The following OSBPL8 variants were observed in gnomAD, a reference collection of about 807,000 sequenced individuals.
The protein encoded by OSBPL8 is oxysterol-binding protein-related protein 8.
A neutral mutation model predicts 125.5 loss-of-function variants in OSBPL8; 59 were observed. The observed-to-expected ratio is 0.47, with a 90% CI of 0.38 to 0.58. OSBPL8 has a LOEUF of 0.58. OSBPL8 is among the 20% of genes least tolerant of loss of function. OSBPL8 has a pLI of 0.00. For synonymous variants in OSBPL8, 330 were observed against 338.9 expected (o/e 0.97, Z 0.29); for missense variants, 758 against 1,047.8 (o/e 0.72, Z 3.82).
At chr12:76,362,492 TA>T (rs1349312136) in intron 21 of OSBPL8, among the ~76,000 whole-genome samples, 14 of 152,296 alleles carry the variant, frequency 9.2e-5, no homozygotes, top group Non-Finnish European at 1.8e-4. Flanking sequence ...CCCTTCATGC[TA>T]AAAACTCTCA....
intron 5 of OSBPL8, among the ~76,000 whole-genome samples, chr12:76,406,465 C>T (rs1954265773): frequency 6.6e-6 from 1 of 152,188 alleles, no homozygotes; most frequent in South Asian, 2.1e-4. Flanking sequence ...TCCCACTAGA[C>T]ACATTAGTTA....
At chr12:76,373,881 G>T (rs1952714581) in intron 17 of OSBPL8, among the ~76,000 whole-genome samples, 1 of 151,814 alleles carries the variant, frequency 6.6e-6, no homozygotes, top group Non-Finnish European at 1.5e-5. Flanking sequence ...GCCAAAAAAA[G>T]CCTCCAAAAA....
intron 16 of OSBPL8, among the ~76,000 whole-genome samples, chr12:76,376,675 G>A (rs1952830089): frequency 6.6e-6 from 1 of 151,930 alleles, no homozygotes; most frequent in Admixed American, 6.6e-5. Context: ...TTCACTCCAT[G>A]CTTACTTCAA....
At position 76,369,404 on chromosome 12, in the gene OSBPL8, G is replaced by T. The variant is rs527583494; in HGVS notation, c.2241-103C>A. 3 of 1,441,672 alleles carry T rather than the reference G, an allele frequency of 2.1e-6. No individual in the cohort carries two copies. The Admixed American group carries it at 8.5e-5, about 41-fold the overall frequency. 89.3% of individuals were successfully genotyped at this position (1,441,672 alleles called of 1,614,324 possible). On this transcript the variant is annotated intron_variant, in intron 20 of 23. Coordinates refer to ENST00000261183, the MANE Select transcript of OSBPL8 (RefSeq NM_020841.5). ...AATTTTATTAATAATTATATACATA[G>T]TTCTAATAATGAGATTTCCCCATAC...
In OSBPL8 at chr12:76,413,719, T is replaced by C. The variant is rs1441298314; in HGVS notation, c.218-3085A>G. Reference sequence around the variant, plus strand: ...TGATTACTAATGGTGTTGAGAACTTTCTCATGTTAATTGGCTAATTTCCTC... The same window carrying C: ...TGATTACTAATGGTGTTGAGAACTTCCTCATGTTAATTGGCTAATTTCCTC... On this transcript the variant is annotated intron_variant, in intron 4 of 23. Transcript: ENST00000261183. 2.0e-5 allele frequency among the ~76,000 whole-genome samples: 3 copies of C among 152,154 alleles called. No homozygotes were observed. In the East Asian group the frequency reaches 5.8e-4, roughly 29 times the overall value.
At chr12:76,387,348 AC>A (rs1808069621) in intron 12 of OSBPL8, among the ~76,000 whole-genome samples, 1 of 152,222 alleles carries the variant, frequency 6.6e-6, no homozygotes, top group Non-Finnish European at 1.5e-5. Context: ...TTAAATCAAT[AC>A]GGAAGGTTTT....
At chr12:76,536,457 G>A (rs2137384760) in intron 1 of OSBPL8, among the ~76,000 whole-genome samples, 1 of 152,188 alleles carries the variant, frequency 6.6e-6, no homozygotes, top group South Asian at 2.1e-4. Flanking sequence ...CAGGATAGCT[G>A]TAAAAAATAG....
chr12:76,410,146 T>C (rs1954451201), intron 5 of OSBPL8, among the ~76,000 whole-genome samples: 1 of 152,174 alleles, frequency 6.6e-6, no homozygotes, highest in Non-Finnish European at 1.5e-5. Context: ...AAAATGTCTG[T>C]CAATAGTAGG....
At chr12:76,500,174 G>A (rs904246957) in intron 1 of OSBPL8, among the ~76,000 whole-genome samples, 4 of 152,202 alleles carry the variant, frequency 2.6e-5, no homozygotes, top group African/African-American at 9.6e-5. Flanking sequence ...GCATTGGAGG[G>A]TAACAATTAT....
chr12:76,397,927 G>A, intron 7 of OSBPL8, 30 bp from the exon 8 acceptor site: 1 of 1,598,604 alleles, frequency 6.3e-7, no homozygotes, highest in Non-Finnish European at 8.6e-7. Flanking sequence ...TTTTAAAAAG[G>A]AAGATCTGTT....
intron 4 of OSBPL8, among the ~76,000 whole-genome samples, chr12:76,414,841 CT>C (rs1868422674): frequency 6.6e-6 from 1 of 152,284 alleles, no homozygotes; most frequent in South Asian, 2.1e-4. Context: ...TTCATCAAAA[CT>C]TTTCCCACAT....
intron 4 of OSBPL8, among the ~76,000 whole-genome samples, chr12:76,433,800 C>T (rs1338982039): frequency 2.6e-5 from 4 of 151,832 alleles, no homozygotes; most frequent in East Asian, 1.9e-4. Context: ...TCGTGAAATG[C>T]CATCTCTACT....
intron 2 of OSBPL8, among the ~76,000 whole-genome samples, chr12:76,466,583 G>A (rs911078236): frequency 3.9e-5 from 6 of 152,080 alleles, no homozygotes; most frequent in Admixed American, 1.3e-4. Flanking sequence ...TAAATTAAGC[G>A]GTGCAATAAT....
chr12:76,498,157 C>A (rs1289200787), intron 1 of OSBPL8, among the ~76,000 whole-genome samples: 1 of 152,172 alleles, frequency 6.6e-6, no homozygotes, highest in Non-Finnish European at 1.5e-5. Flanking sequence ...GTAACCCTAG[C>A]ACTTTGGGAG....
At chr12:76,525,134 A>G (rs1950135973) in intron 1 of OSBPL8, among the ~76,000 whole-genome samples, 1 of 152,206 alleles carries the variant, frequency 6.6e-6, no homozygotes, top group South Asian at 2.1e-4. Context: ...AGGCATACTA[A>G]CCACTGAGGT....
At chr12:76,494,858 A>C (rs1340526071) in intron 1 of OSBPL8, among the ~76,000 whole-genome samples, 1 of 152,210 alleles carries the variant, frequency 6.6e-6, no homozygotes, top group East Asian at 1.9e-4. Flanking sequence ...AGCTCAAAAA[A>C]GAGATCTGAG....
intron 1 of OSBPL8, among the ~76,000 whole-genome samples, chr12:76,495,053 C>T (rs1879135693): frequency 6.6e-6 from 1 of 152,192 alleles, no homozygotes; most frequent in Non-Finnish European, 1.5e-5. Flanking sequence ...GTGTTACCTG[C>T]CTCAACAGAG....
At chr12:76,396,511 C>A (rs1172601478) in intron 8 of OSBPL8, among the ~76,000 whole-genome samples, 1 of 152,084 alleles carries the variant, frequency 6.6e-6, no homozygotes, top group Non-Finnish European at 1.5e-5. Context: ...GTAATCCCAG[C>A]ACTTTGGGAG....
intron 21 of OSBPL8, among the ~76,000 whole-genome samples, chr12:76,360,370 G>A (rs1372017328): frequency 6.6e-6 from 1 of 152,222 alleles, no homozygotes; most frequent in African/African-American, 2.4e-5. Context: ...CAAGAGGTAG[G>A]TTCCCATAGT....
Sources: gnomAD v4.1 joint callset for allele counts (sites outside exome capture counted in the v4.1 genomes callset) on GRCh38, gnomAD v4.1.1 for gene constraint, MANE v1.5 for transcripts, NCBI Gene and HGNC (gene_info 2026-07-23, HGNC 2026-07-21) for gene names.